Variants in VRK3 observed in about 807,000 individuals in gnomAD.
VRK3 encodes the protein VRK serine/threonine kinase 3, also known as serine/threonine-protein kinase VRK3.
VRK3 carries 50 observed loss-of-function variants against 60.4 expected under a neutral mutation model. The observed-to-expected ratio is 0.83, with a 90% CI of 0.66 to 1.05. The LOEUF is 1.05. Ranked by LOEUF, VRK3 falls within the 50% of genes least tolerant of loss-of-function variation. VRK3 has a pLI of 0.00. For synonymous variants in VRK3, 246 were observed against 227.8 expected, an observed-to-expected ratio of 1.08 and a Z score of -0.72; for missense variants, 549 against 585.3, an observed-to-expected ratio of 0.94 and a Z score of 0.64.
chr19:50,002,694 G>A (rs922901917), intron 5 of VRK3, among the ~76,000 whole-genome samples: 5 of 152,198 alleles, frequency 3.3e-5, no homozygotes, highest in Non-Finnish European at 7.3e-5. Flanking sequence ...TCATTGTAGA[G>A]GGAGCCAAGG....
At position 49,988,383 on chromosome 19, in the gene VRK3, C is replaced by T; in HGVS notation, c.1206G>A (p.Lys402=). The T allele has an allele frequency of 1.2e-6, 2 of 1,612,642 alleles. No homozygotes were observed. The highest frequency in any genetic ancestry group is 1.3e-5 in the African/African-American group (1 of 74,972). ...ACCCCTAGACTCACTTCTGTTTTTG[C>T]TTCATGATGTCCTCAGTGTTGGGAA... The part of the protein sequence containing the change: ...NCLPNTEDIM[K]QKQKFVDKPG... Residue 402 remains lysine (K), a synonymous_variant, in exon 12 of 15, where the codon AAG becomes AAA. Coordinates refer to ENST00000316763, the MANE Select transcript of VRK3 (RefSeq NM_016440.4).
intron 4 of VRK3, 124 bp from the exon 5 acceptor site, chr19:50,007,950 G>T (rs1448237210): frequency 1.9e-5 from 26 of 1,359,438 alleles, no homozygotes; most frequent in Non-Finnish European, 2.4e-5. Context: ...CATTTCCTGG[G>T]ACCTTCTATG....
intron 3 of VRK3, among the ~76,000 whole-genome samples, chr19:50,014,082 C>T (rs1294808062): frequency 6.6e-6 from 1 of 152,110 alleles, no homozygotes; most frequent in African/African-American, 2.4e-5. Flanking sequence ...GCCTGGCCAA[C>T]GTGGTGAAAC....
chr19:49,989,810 G>T (rs1231907635), intron 10 of VRK3, 39 bp from the exon 11 acceptor site: 1 of 1,553,588 alleles, frequency 6.4e-7, no homozygotes, highest in Non-Finnish European at 8.8e-7. Context: ...TTGGAGGTTA[G>T]GAGCGTAGAA....
intron 5 of VRK3, among the ~76,000 whole-genome samples, chr19:50,006,201 TTGAGAGGC>T (rs1367569450): frequency 2.0e-5 from 3 of 151,142 alleles, no homozygotes; most frequent in Admixed American, 6.6e-5. Context: ...TCTCAGCTAC[TTGAGAGGC>T]TGAGGCAGGA....
chr19:50,017,264 G>A (rs1168966402), intron 2 of VRK3, among the ~76,000 whole-genome samples: 1 of 150,990 alleles, frequency 6.6e-6, no homozygotes, highest in African/African-American at 2.4e-5. Flanking sequence ...CAGGCTTACT[G>A]TACATTAGCA....
intron 12 of VRK3, among the ~76,000 whole-genome samples, chr19:49,983,484 G>A (rs17605685): frequency 0.049 from 7,421 of 152,236 alleles, 222 homozygotes; most frequent in Middle Eastern, 0.11. Context: ...AGGAAGGCCC[G>A]GTTGTGCCAT....
chr19:50,024,734 A>T (rs1395343673), intron 1 of VRK3, among the ~76,000 whole-genome samples: 2 of 152,230 alleles, frequency 1.3e-5, no homozygotes, highest in Non-Finnish European at 2.9e-5. Flanking sequence ...TCACCTATGC[A>T]ATGGCCAGGT....
At chr19:50,013,161 C>T (rs2077023116) in intron 3 of VRK3, among the ~76,000 whole-genome samples, 1 of 152,066 alleles carries the variant, frequency 6.6e-6, no homozygotes, top group Admixed American at 6.5e-5. Flanking sequence ...AGCGAGACTC[C>T]GTCTCAAAAA....
At chr19:50,015,800 A>G in intron 3 of VRK3, 2 of 586,834 alleles carry the variant, frequency 3.4e-6, no homozygotes, top group Non-Finnish European at 6.0e-6. Flanking sequence ...CTGGCTGGAG[A>G]TAGAAATGAA....
chr19:49,995,336 G>C (rs2076683612), intron 7 of VRK3, 61 bp from the exon 8 acceptor site: 2 of 1,504,868 alleles, frequency 1.3e-6, no homozygotes, highest in African/African-American at 2.8e-5. Flanking sequence ...GGCAGTAAGA[G>C]CTAGTTCTCA....
chr19:49,993,015 G>A (rs1032435148), intron 9 of VRK3, 63 bp from the exon 10 acceptor site: 52 of 1,349,736 alleles, frequency 3.9e-5, no homozygotes, highest in Non-Finnish European at 4.8e-5. Flanking sequence ...AGGCTATGGT[G>A]CAGACCAGGA....
intron 12 of VRK3, 42 bp from the exon 13 acceptor site, chr19:49,981,055 G>A (rs2076413668): frequency 3.2e-6 from 5 of 1,584,368 alleles, no homozygotes; most frequent in Non-Finnish European, 4.3e-6. Context: ...CTTAGGGAAA[G>A]GAGAGCAACC....
At chr19:49,988,603 A>C (rs1600665084) in intron 11 of VRK3, 111 bp from the exon 12 acceptor site, 13 of 1,409,548 alleles carry the variant, frequency 9.2e-6, no homozygotes. Context: ...ACACTCATAC[A>C]CCCAGCCTTC....
chr19:50,011,480 G>A (rs553588166), intron 3 of VRK3, among the ~76,000 whole-genome samples: 1 of 152,098 alleles, frequency 6.6e-6, no homozygotes, highest in African/African-American at 2.4e-5. Flanking sequence ...TCCATGCCTC[G>A]AATCCATTTT....
chr19:49,981,080 G>A, intron 12 of VRK3, 67 bp from the exon 13 acceptor site: 1 of 1,198,252 alleles, frequency 8.3e-7, no homozygotes, highest in Non-Finnish European at 1.1e-6. Context: ...AAAACAGAAT[G>A]CCTAAGATAT....
rs113985215 is a variant in VRK3 at position 49,979,993 on chromosome 19, T to G, written c.1277-751A>C. Among the ~76,000 whole-genome samples the G allele has an allele frequency of 2.8e-3, 423 of 151,906 alleles. 1 individual carries two copies. The highest frequency in any genetic ancestry group is 4.3e-3 in the Non-Finnish European group (295 of 67,936). On this transcript the variant is annotated intron_variant, in intron 13 of 14. Transcript: ENST00000316763. Reference sequence around the variant, plus strand: ...TGAACCCGGGAGGCAGAGCTTGCAGTGAGCCAAGATCACGCCACCGCACTC... The same window carrying G: ...TGAACCCGGGAGGCAGAGCTTGCAGGGAGCCAAGATCACGCCACCGCACTC...
chr19:50,014,702 T>G (rs1600718181), intron 3 of VRK3, among the ~76,000 whole-genome samples: 1 of 150,538 alleles, frequency 6.6e-6, no homozygotes, highest in African/African-American at 2.5e-5. Flanking sequence ...CGTGCTGAGG[T>G]GTGGAGGGGC....
Position 50,009,381 on chromosome 19 carries a change from T to TTA in VRK3, c.143_144insTA (p.Gly51GlufsTer3), listed in dbSNP as rs1568807034. On this transcript the variant is annotated frameshift_variant, in exon 4 of 15. Coordinates refer to ENST00000316763, the MANE Select transcript of VRK3 (RefSeq NM_016440.4). LOFTEE classifies it high-confidence loss of function. The stretch of plus-strand genomic sequence containing the variant: ...CAAAACTGGAGTTCAGCCCTCTCTT[T>TTA]GAGCCTAAAGAAAGGCAGACAAAAT... The TTA allele has an allele frequency of 6.2e-7, 1 of 1,613,522 alleles. No homozygotes were observed. The highest frequency in any genetic ancestry group is 1.7e-5 in the Admixed American group (1 of 59,994).
Sources: allele counts gnomAD v4.1 joint callset (sites outside exome capture counted in the v4.1 genomes callset), GRCh38; gene constraint gnomAD v4.1.1; transcripts MANE v1.5; gene names NCBI Gene and HGNC (gene_info 2026-07-23, HGNC 2026-07-21).